DIAPH3: variants seen among roughly 807,000 people sequenced by gnomAD.
DIAPH3 encodes the protein diaphanous related formin 3.
Under a neutral mutation model 144.3 loss-of-function variants are expected in DIAPH3, and 117 were observed. The observed-to-expected ratio is 0.81, with a 90% CI of 0.70 to 0.95. DIAPH3 has a LOEUF of 0.95. DIAPH3 is among the 40% of genes least tolerant of loss of function. DIAPH3 has a pLI of 0.00. For synonymous variants in DIAPH3, 519 were observed against 488.9 expected (o/e 1.06, Z -0.81); for missense variants, 1,421 against 1,412.7 (o/e 1.01, Z -0.09).
intron 22 of DIAPH3, among the ~76,000 whole-genome samples, chr13:59,842,062 T>C (rs890376493): frequency 6.6e-6 from 1 of 152,106 alleles, no homozygotes. Context: ...TAAACAGATA[T>C]AATTTTCACA....
rs902317782 is a variant in DIAPH3 at position 59,736,381 on chromosome 13, G to A, written c.3319+37808C>T. Reference sequence around the variant, plus strand: ...GAATCACCACACTGTCTTCTATATAGCTGAGCTAATTTACACTTCCACCAG... The same window carrying A: ...GAATCACCACACTGTCTTCTATATAACTGAGCTAATTTACACTTCCACCAG... On this transcript the variant is annotated intron_variant, in intron 27 of 27. Transcript: ENST00000400324. Among the ~76,000 whole-genome samples, 3 of 152,138 alleles carry A rather than the reference G, an allele frequency of 2.0e-5. No individual in the cohort carries two copies. The East Asian group carries it at 5.8e-4, about 29-fold the overall frequency.
intron 23 of DIAPH3, 22 bp from the exon 24 acceptor site, chr13:59,833,293 C>G (rs187016359): frequency 1.8e-5 from 29 of 1,585,560 alleles, no homozygotes; most frequent in African/African-American, 5.4e-5. Context: ...TTAAGGTATT[C>G]TGAAATTTAC....
At chr13:59,974,716 T>G (rs993303047) in intron 14 of DIAPH3, among the ~76,000 whole-genome samples, 31 of 152,056 alleles carry the variant, frequency 2.0e-4, no homozygotes, top group Non-Finnish European at 2.9e-5. Flanking sequence ...CAGAGCAAAC[T>G]GGCCACAGTT....
At chr13:59,825,856 A>G (rs1315052847) in intron 24 of DIAPH3, among the ~76,000 whole-genome samples, 1 of 151,972 alleles carries the variant, frequency 6.6e-6, no homozygotes, top group Non-Finnish European at 1.5e-5. Context: ...GTCTGTTCAT[A>G]TCCTTCAAGG....
intron 27 of DIAPH3, among the ~76,000 whole-genome samples, chr13:59,720,781 T>C (rs2035302572): frequency 6.6e-6 from 1 of 152,178 alleles, no homozygotes; most frequent in Admixed American, 6.5e-5. Context: ...CAGAACACAG[T>C]TATTGGTAGT....
chr13:59,970,918 T>C lies in DIAPH3; in HGVS notation c.1893A>G (p.Pro631=), dbSNP rs1243956574. ...ATTCTTTCTTTGGTTTCAACCCAAA[T>C]GGCAGGATTGGTAGAGGAGGAGAAT... ...GQNSPPLPIL[P]FGLKPKKEFK... is the part of the protein sequence containing the mutation. The change falls in exon 16 of 28, where the codon CCA becomes CCG. Residue 631 remains proline, a synonymous_variant. Coordinates refer to ENST00000400324, the MANE Select transcript of DIAPH3 (RefSeq NM_001042517.2). 5.6e-6 allele frequency: 9 copies of C among 1,613,936 alleles called. No homozygotes were observed. Among genetic ancestry groups the C allele is most frequent in the Non-Finnish European group, 7.6e-6 (9 of 1,179,982 alleles).
chr13:59,749,425 CAGG>C (rs1242901615), intron 27 of DIAPH3, among the ~76,000 whole-genome samples: 1 of 142,920 alleles, frequency 7.0e-6, no homozygotes, highest in Non-Finnish European at 1.5e-5. Context: ...GAGGCTGAGG[CAGG>C]AGAATGGCCT....
intron 17 of DIAPH3, among the ~76,000 whole-genome samples, chr13:59,937,361 T>C (rs1319726433): frequency 6.6e-6 from 1 of 152,198 alleles, no homozygotes; most frequent in African/African-American, 2.4e-5. Flanking sequence ...GAACTCAGTG[T>C]ACATTCCTAA....
At chr13:59,967,249 T>C (rs2140538673) in intron 17 of DIAPH3, among the ~76,000 whole-genome samples, 1 of 151,962 alleles carries the variant, frequency 6.6e-6, no homozygotes, top group East Asian at 1.9e-4. Context: ...TTTTTAATTT[T>C]TTTTAGTAGA....
chr13:59,861,350 T>C (rs1250361012), intron 22 of DIAPH3, 57 bp downstream of exon 22: 1 of 1,612,564 alleles, frequency 6.2e-7, no homozygotes, highest in East Asian at 2.2e-5. Context: ...GGTATAATTT[T>C]CAGTCTTTTA....
intron 23 of DIAPH3, among the ~76,000 whole-genome samples, chr13:59,834,762 C>A (rs1015937230): frequency 6.6e-6 from 1 of 151,674 alleles, no homozygotes; most frequent in African/African-American, 2.4e-5. Context: ...AGATACTCAA[C>A]AAAATAAACA....
intron 5 of DIAPH3, among the ~76,000 whole-genome samples, chr13:60,039,169 A>C (rs1264143138): frequency 6.6e-6 from 1 of 152,084 alleles, no homozygotes; most frequent in Non-Finnish European, 1.5e-5. Context: ...ATTCATAGAG[A>C]GTAAAAGGCT....
At chr13:59,770,587 C>T (rs1401049840) in intron 27 of DIAPH3, among the ~76,000 whole-genome samples, 1 of 152,130 alleles carries the variant, frequency 6.6e-6, no homozygotes, top group East Asian at 1.9e-4. Context: ...ATACATGCTA[C>T]TACTGCTGCT....
intron 1 of DIAPH3, among the ~76,000 whole-genome samples, chr13:60,161,987 G>A (rs1952316348): frequency 6.6e-6 from 1 of 152,186 alleles, no homozygotes; most frequent in Non-Finnish European, 1.5e-5. Flanking sequence ...TAGTTTCAAA[G>A]TACCAAGAGT....
intron 27 of DIAPH3, among the ~76,000 whole-genome samples, chr13:59,762,054 T>C (rs1412527019): frequency 4.1e-5 from 1 of 24,252 alleles, no homozygotes; most frequent in South Asian, 1.7e-3. Flanking sequence ...GTCAGCATCT[T>C]TTTTTTTTTT....
In DIAPH3 at chr13:59,760,224, G is replaced by C. The variant is rs150879485; in HGVS notation, c.3319+13965C>G. ...TAACAGATAACAAAGAATTTTAAAA[G>C]ATCTTTTTCTTTATATTTTCTCCTC... is the stretch of plus-strand genomic sequence containing the variant. On this transcript the variant is annotated intron_variant, in intron 27 of 27. Transcript: ENST00000400324. 1.4e-4 allele frequency among the ~76,000 whole-genome samples: 21 copies of C among 152,186 alleles called. No individual in the cohort carries two copies. The East Asian group carries it at 4.1e-3, about 29-fold the overall frequency.
At chr13:60,084,059 T>TAGATAGATAGAA (rs1555371931) in intron 4 of DIAPH3, among the ~76,000 whole-genome samples, 1 of 145,534 alleles carries the variant, frequency 6.9e-6, no homozygotes. Flanking sequence ...GATAGATAGA[T>TAGATAGATAGAA]AGAAAGAATA....
intron 27 of DIAPH3, among the ~76,000 whole-genome samples, chr13:59,735,561 G>A (rs1338771156): frequency 6.6e-6 from 1 of 152,132 alleles, no homozygotes; most frequent in African/African-American, 2.4e-5. Flanking sequence ...ATTTATATGA[G>A]AGGGAGAAGA....
intron 25 of DIAPH3, among the ~76,000 whole-genome samples, chr13:59,801,757 T>C (rs1371820665): frequency 1.3e-5 from 2 of 152,224 alleles, no homozygotes; most frequent in Non-Finnish European, 2.9e-5. Flanking sequence ...TGAAAAACAT[T>C]GGATATCTGA....
Sources: allele counts gnomAD v4.1 joint callset (sites outside exome capture counted in the v4.1 genomes callset), GRCh38; gene constraint gnomAD v4.1.1; transcripts MANE v1.5; gene names NCBI Gene and HGNC (gene_info 2026-07-23, HGNC 2026-07-21).